MEIOSIN: variants seen among roughly 807,000 people sequenced by gnomAD.
MEIOSIN encodes meiosis initiator.
MEIOSIN carries 18 observed loss-of-function variants against 23.4 expected under a neutral mutation model. That is an observed-to-expected ratio of 0.77 (90% CI 0.53 to 1.14). The LOEUF (loss-of-function observed/expected upper bound fraction) is 1.14, where lower values mean the gene tolerates loss of function less well. MEIOSIN is among the 50% of genes most tolerant of loss of function. MEIOSIN has a pLI of 0.00. For missense variants in MEIOSIN, 428 were observed against 242.9 expected, an observed-to-expected ratio of 1.76 and a Z score of -5.07; for synonymous variants, 187 against 100.6, an observed-to-expected ratio of 1.86 and a Z score of -5.14.
At position 45,752,225 on chromosome 19, in the gene MEIOSIN, C is replaced by CT. The variant is rs1445732075; in HGVS notation, c.419-1418dup. Among the ~76,000 whole-genome samples, 3 of 150,846 alleles carry CT rather than the reference C, an allele frequency of 2.0e-5. No homozygotes were observed. In the East Asian group the frequency reaches 5.9e-4, roughly 30 times the overall value. The stretch of plus-strand genomic sequence containing the variant: ...GTGCCACCAATATCCAGATAATTTT[C>CT]TTTTTTTTGAGATGGAGTTTCTCTC... On this transcript the variant is annotated intron_variant, in intron 5 of 14. Coordinates refer to ENST00000457052, the MANE Select transcript of MEIOSIN (RefSeq NM_001310124.2).
At chr19:45,746,769 C>T (rs1229345315) in intron 4 of MEIOSIN, among the ~76,000 whole-genome samples, 2 of 151,018 alleles carry the variant, frequency 1.3e-5, no homozygotes, top group African/African-American at 4.9e-5. Context: ...TGCAGTGATC[C>T]GAGATCGCGC....
intron 4 of MEIOSIN, among the ~76,000 whole-genome samples, chr19:45,748,359 C>T (rs543004305): frequency 6.6e-6 from 1 of 152,304 alleles, no homozygotes; most frequent in Non-Finnish European, 1.5e-5. Flanking sequence ...GGATTACAGG[C>T]GTGAGCCACC....
At chr19:45,756,337 C>G (rs1968829055) in intron 8 of MEIOSIN, among the ~76,000 whole-genome samples, 1 of 152,216 alleles carries the variant, frequency 6.6e-6, no homozygotes, top group Non-Finnish European at 1.5e-5. Flanking sequence ...GACCACATGG[C>G]TTTTCCAACA....
In MEIOSIN at chr19:45,759,441, A is replaced by G. The variant is rs935304260; in HGVS notation, c.1196A>G (p.Asp399Gly). 1.4e-6 allele frequency: 1 copy of G among 703,510 alleles called. No individual in the cohort carries two copies. The highest frequency in any genetic ancestry group is 2.6e-6 in the Non-Finnish European group (1 of 385,098). The allele number at this position is 703,510 out of a possible 1,614,324, so 43.6% of individuals were successfully genotyped here. The stretch of plus-strand genomic sequence containing the variant: ...GCTTTCTTTGAAGAAGTGTGCTTAG[A>G]TCTGGAGTCTTCACCTTCAGCCTAC... ...QAAFFEEVCL[D>G]LESSPSAYTQ... Residue 399 changes from aspartate (D) to glycine (G), a missense_variant, in exon 11 of 15, where the codon GAT becomes GGT. Physicochemically the swap from Asp to Gly is moderately conservative, Grantham distance 94. Coordinates refer to ENST00000457052, the MANE Select transcript of MEIOSIN (RefSeq NM_001310124.2).
rs1968946262 is a variant in MEIOSIN, at chr19:45,761,739, G to GTCTCGCTGGACCACTGCTACC, written c.1315_1335dup (p.Asp439_Leu445dup). 1.4e-6 allele frequency: 1 copy of GTCTCGCTGGACCACTGCTACC among 702,948 alleles called. No homozygotes were observed. Among genetic ancestry groups the GTCTCGCTGGACCACTGCTACC allele is most frequent in the Non-Finnish European group, 2.6e-6 (1 of 384,898 alleles). The allele number at this position is 702,948 out of a possible 1,614,324, so 43.5% of individuals were successfully genotyped here. On this transcript the variant is annotated inframe_insertion, in exon 12 of 15. Coordinates refer to ENST00000457052, the MANE Select transcript of MEIOSIN (RefSeq NM_001310124.2). ...GTCCCACAGCCTGCACCGGTCCTCA[G>GTCTCGCTGGACCACTGCTACC]TCTCGCTGGACCACTGCTACCTCTC...
chr19:45,741,124 C>T (rs1345377652), intron 3 of MEIOSIN, among the ~76,000 whole-genome samples: 2 of 151,836 alleles, frequency 1.3e-5, no homozygotes, highest in Non-Finnish European at 2.9e-5. Context: ...CCAAGGCGGG[C>T]AGATCACGAG....
chr19:45,736,921 T>TG (rs1968417514), intron 2 of MEIOSIN, among the ~76,000 whole-genome samples: 1 of 148,760 alleles, frequency 6.7e-6, no homozygotes, highest in Admixed American at 6.8e-5. Context: ...CAGGCTGGAC[T>TG]GCAATGGCAT....
intron 3 of MEIOSIN, 123 bp downstream of exon 3, chr19:45,739,853 C>CT (rs766765725): frequency 0.29 from 147,327 of 505,862 alleles, 6,610 homozygotes; most frequent in Admixed American, 0.38. Context: ...TTCTTTCTTC[C>CT]TTTTTTTTTT....
intron 9 of MEIOSIN, among the ~76,000 whole-genome samples, chr19:45,757,942 C>T (rs1968863975): frequency 6.6e-6 from 1 of 152,130 alleles, no homozygotes; most frequent in Non-Finnish European, 1.5e-5. Context: ...ATCGTCCTGC[C>T]TCAGCTTCTC....
chr19:45,739,046 T>C (rs142120225), intron 2 of MEIOSIN, among the ~76,000 whole-genome samples: 1,814 of 152,296 alleles, frequency 0.012, 21 homozygotes, highest in Non-Finnish European at 0.018. Flanking sequence ...GGTTCCAGGA[T>C]GGAGGTTAAA....
Position 45,745,358 on chromosome 19 carries a change from G to A in MEIOSIN, c.306+37G>A, listed in dbSNP as rs560694946. On this transcript the variant is annotated intron_variant, in intron 4 of 14. Coordinates refer to ENST00000457052, the MANE Select transcript of MEIOSIN (RefSeq NM_001310124.2). ...AGAGGAGAGGGGCCAGATTTGGGACGCAGGTCTTTAAATAGCAGCAAATGG... is the reference window on the plus strand; with the variant it reads ...AGAGGAGAGGGGCCAGATTTGGGACACAGGTCTTTAAATAGCAGCAAATGG... 130 of 691,338 alleles carry A rather than the reference G, an allele frequency of 1.9e-4. No homozygotes were observed. The East Asian group carries it at 2.9e-3, about 15-fold the overall frequency. The allele number at this position is 691,338 out of a possible 1,614,324, so 42.8% of individuals were successfully genotyped here.
At chr19:45,739,372 C>T (rs760485940) in intron 2 of MEIOSIN, among the ~76,000 whole-genome samples, 6 of 152,004 alleles carry the variant, frequency 3.9e-5, no homozygotes, top group Non-Finnish European at 4.4e-5. Flanking sequence ...AGGCTGGTCT[C>T]GAACTCCTGA....
rs1969019580 is a variant in MEIOSIN, at chr19:45,764,438, C to T, written c.*320C>T. The T allele has an allele frequency of 3.4e-6, 1 of 290,840 alleles. No homozygotes were observed. The highest frequency in any genetic ancestry group is 6.3e-6 in the Non-Finnish European group (1 of 157,856). The allele number at this position is 290,840 out of a possible 1,614,324, so 18.0% of individuals were successfully genotyped here. A position where few individuals can be genotyped will look rare whatever the true frequency, so the allele number is the denominator to read the frequency against. ...CACCCCAGAGCCACTCGGTTGCAAC[C>T]CTGTTCATGCTCACCTCACCCTACT... On this transcript the variant is annotated 3_prime_UTR_variant, in exon 15 of 15. Coordinates refer to ENST00000457052, the MANE Select transcript of MEIOSIN (RefSeq NM_001310124.2).
At chr19:45,736,120 C>T (rs1330152474) in intron 2 of MEIOSIN, among the ~76,000 whole-genome samples, 1 of 152,094 alleles carries the variant, frequency 6.6e-6, no homozygotes, top group Non-Finnish European at 1.5e-5. Context: ...CTCACTATAG[C>T]CTCGGACTCC....
chr19:45,758,341 T>C (rs1332730924), intron 9 of MEIOSIN, among the ~76,000 whole-genome samples: 1 of 152,142 alleles, frequency 6.6e-6, no homozygotes, highest in Non-Finnish European at 1.5e-5. Context: ...AATCAGCCTA[T>C]GGGACTTTGC....
chr19:45,741,252 C>T (rs541931736), intron 3 of MEIOSIN, among the ~76,000 whole-genome samples: 1 of 151,516 alleles, frequency 6.6e-6, no homozygotes, highest in South Asian at 2.1e-4. Context: ...GTTGCTGATG[C>T]AGAAGAATCG....
At chr19:45,735,799 C>G (rs1476342992) in intron 2 of MEIOSIN, among the ~76,000 whole-genome samples, 1 of 152,242 alleles carries the variant, frequency 6.6e-6, no homozygotes, top group South Asian at 2.1e-4. Context: ...GCCTCAGCCT[C>G]CCCAGTAGCT....
chr19:45,759,300 C>T, intron 10 of MEIOSIN, 114 bp from the exon 11 acceptor site: 1 of 662,142 alleles, frequency 1.5e-6, no homozygotes, highest in South Asian at 1.7e-5. Flanking sequence ...GTGGGAGATC[C>T]TGAAGGAGAA....
chr19:45,759,406 C>A lies in MEIOSIN; in HGVS notation c.1169-8C>A. Reference sequence around the variant, plus strand: ...CACTCTGGCTGCCCCTCTGGTCTCCCTCCCTAGCGGCTTTCTTTGAAGAAG... The same window carrying A: ...CACTCTGGCTGCCCCTCTGGTCTCCATCCCTAGCGGCTTTCTTTGAAGAAG... On this transcript the variant is annotated splice_region_variant and splice_polypyrimidine_tract_variant and intron_variant, in intron 10 of 14. Transcript: ENST00000457052. 1 of 703,300 alleles carries A rather than the reference C, an allele frequency of 1.4e-6. No homozygotes were observed. Among genetic ancestry groups the A allele is most frequent in the South Asian group, 1.5e-5 (1 of 67,586 alleles). The allele number at this position is 703,300 out of a possible 1,614,324, so 43.6% of individuals were successfully genotyped here.
Sources: allele counts gnomAD v4.1 joint callset (sites outside exome capture counted in the v4.1 genomes callset), GRCh38; gene constraint gnomAD v4.1.1; transcripts MANE v1.5; gene names NCBI Gene and HGNC (gene_info 2026-07-23, HGNC 2026-07-21).